CRLF3: variants seen among roughly 807,000 people sequenced by gnomAD.
CRLF3 encodes the protein cytokine receptor like factor 3, also known as cytokine receptor-like factor 3.
Under a neutral mutation model 55.0 loss-of-function variants are expected in CRLF3, and 33 were observed. That is an observed-to-expected ratio of 0.60 (90% CI 0.46 to 0.80). The LOEUF is 0.80. CRLF3 is among the 30% of genes least tolerant of loss of function. CRLF3 has a pLI of 0.00. For missense variants in CRLF3, 494 were observed against 538.4 expected, an observed-to-expected ratio of 0.92 and a Z score of 0.82; for synonymous variants, 238 against 196.8, an observed-to-expected ratio of 1.21 and a Z score of -1.75.
Position 30,824,568 on chromosome 17 carries a change from C to G in CRLF3, c.84G>C (p.Arg28=). The change falls in exon 1 of 8, where the codon CGG becomes CGC. Residue 28 remains arginine (R), a synonymous_variant. Coordinates refer to ENST00000324238, the MANE Select transcript of CRLF3 (RefSeq NM_015986.4). Reference sequence around the variant, plus strand: ...GCCCCTCAAGCCGGTGACCCAGCTCCCGCCGGTAGCTCTGCGCTGCCTCCA... The same window carrying G: ...GCCCCTCAAGCCGGTGACCCAGCTCGCGCCGGTAGCTCTGCGCTGCCTCCA... ...ENVEAAQSYR[R]ELGHRLEGLR... The G allele has an allele frequency of 6.2e-7, 1 of 1,603,374 alleles. No individual in the cohort carries two copies.
chr17:30,797,762 C>T (rs928486831), intron 2 of CRLF3, among the ~76,000 whole-genome samples: 5 of 146,760 alleles, frequency 3.4e-5, no homozygotes, highest in African/African-American at 1.3e-4. Flanking sequence ...AGAGGTGCAA[C>T]AGGGGATAGG....
At chr17:30,815,398 T>C (rs1904765400) in intron 1 of CRLF3, among the ~76,000 whole-genome samples, 1 of 151,518 alleles carries the variant, frequency 6.6e-6, no homozygotes, top group South Asian at 2.1e-4. Context: ...CTTTTTGTAT[T>C]TTTAGTAGAG....
chr17:30,807,742 T>G (rs1904462329), intron 1 of CRLF3, among the ~76,000 whole-genome samples: 1 of 152,050 alleles, frequency 6.6e-6, no homozygotes, highest in Admixed American at 6.6e-5. Context: ...CAAGCTGGTC[T>G]TGAACTCCTG....
intron 1 of CRLF3, among the ~76,000 whole-genome samples, chr17:30,810,528 C>T (rs1904579974): frequency 6.6e-6 from 1 of 152,060 alleles, no homozygotes; most frequent in Non-Finnish European, 1.5e-5. Context: ...TGCCATCGCA[C>T]TCCAGCCTGG....
chr17:30,785,094 T>A (rs1435679608), intron 7 of CRLF3: 4 of 147,566 alleles, frequency 2.7e-5, no homozygotes, highest in African/African-American at 1.0e-4. Context: ...AATTTTTTTT[T>A]TTTTTTTTTT....
intron 6 of CRLF3, among the ~76,000 whole-genome samples, chr17:30,789,117 C>T (rs1971722929): frequency 6.6e-6 from 1 of 151,876 alleles, no homozygotes; most frequent in African/African-American, 2.4e-5. Flanking sequence ...TTTCATTCCA[C>T]AAAGAAAAAA....
At chr17:30,808,654 G>A (rs747258983) in intron 1 of CRLF3, among the ~76,000 whole-genome samples, 38 of 150,834 alleles carry the variant, frequency 2.5e-4, no homozygotes, top group Non-Finnish European at 4.9e-4. Flanking sequence ...GTGCAGTGGC[G>A]CCAACTCGGC....
At chr17:30,808,275 ATATTTTTTTTTTT>A (rs1904484429) in intron 1 of CRLF3, among the ~76,000 whole-genome samples, 1 of 103,432 alleles carries the variant, frequency 9.7e-6, no homozygotes, top group Non-Finnish European at 1.9e-5. Flanking sequence ...CCTAGAACCT[ATATTTTTTTTTTT>A]TTTTTTTTTT....
At chr17:30,819,756 T>C (rs1320667118) in intron 1 of CRLF3, among the ~76,000 whole-genome samples, 1 of 152,182 alleles carries the variant, frequency 6.6e-6, no homozygotes, top group Non-Finnish European at 1.5e-5. Flanking sequence ...ATGAAAGATA[T>C]AATAGAAGTG....
In CRLF3 at chr17:30,784,357, C is replaced by T. The variant is rs139807989; in HGVS notation, c.1159G>A (p.Val387Met). The T allele has an allele frequency of 6.4e-5, 104 of 1,614,022 alleles. No homozygotes were observed. The highest frequency in any genetic ancestry group is 6.0e-4 in the African/African-American group (45 of 75,034). The change falls in exon 8 of 8, where the codon GTG becomes ATG. Residue 387 changes from valine to methionine, a missense_variant. Physicochemically the swap from Val to Met is conservative, Grantham distance 21. Coordinates refer to ENST00000324238, the MANE Select transcript of CRLF3 (RefSeq NM_015986.4). ...GSTVTFDIEA[V>M]TLGTTSNNEG... is the part of the protein sequence containing the mutation. ...TTATTACTGGTGGTTCCTAGAGTCA[C>T]GGCTTCAATGTCAAACGTGACAGTG...
intron 1 of CRLF3, among the ~76,000 whole-genome samples, chr17:30,823,997 C>T (rs1303751313): frequency 6.6e-6 from 1 of 152,030 alleles, no homozygotes; most frequent in East Asian, 1.9e-4. Context: ...AGGCATTAAC[C>T]GCATTTATTG....
At chr17:30,790,237 A>C (rs1374936083) in intron 6 of CRLF3, among the ~76,000 whole-genome samples, 2 of 152,168 alleles carry the variant, frequency 1.3e-5, no homozygotes, top group African/African-American at 4.8e-5. Flanking sequence ...AAGCATTCAC[A>C]ATAAAATCCC....
At chr17:30,815,952 G>A (rs1294021646) in intron 1 of CRLF3, among the ~76,000 whole-genome samples, 2 of 150,028 alleles carry the variant, frequency 1.3e-5, no homozygotes, top group Non-Finnish European at 3.0e-5. Context: ...TCTGTACATT[G>A]GTGTTGTTCA....
chr17:30,819,144 G>C (rs1904909813), intron 1 of CRLF3, among the ~76,000 whole-genome samples: 1 of 152,154 alleles, frequency 6.6e-6, no homozygotes, highest in African/African-American at 2.4e-5. Context: ...TTAGGTACCA[G>C]GATCTTACCA....
intron 7 of CRLF3, among the ~76,000 whole-genome samples, chr17:30,785,507 C>G (rs1017864835): frequency 6.6e-6 from 1 of 150,682 alleles, no homozygotes; most frequent in African/African-American, 2.4e-5. Flanking sequence ...CAGCCAGCCA[C>G]GGTGGCTCAC....
intron 1 of CRLF3, among the ~76,000 whole-genome samples, 160 bp downstream of exon 1, chr17:30,824,363 T>C (rs1363774658): frequency 1.1e-5 from 1 of 89,402 alleles, no homozygotes; most frequent in Non-Finnish European, 2.2e-5. Context: ...AACTCCCACC[T>C]TCCCCGTTCC....
Position 30,792,543 on chromosome 17 carries a change from G to T in CRLF3, c.856C>A (p.Leu286Met). 6.2e-7 allele frequency: 1 copy of T among 1,607,804 alleles called. No homozygotes were observed. The highest frequency in any genetic ancestry group is 1.1e-5 in the South Asian group (1 of 90,808). The stretch of plus-strand genomic sequence containing the variant: ...AGTGCTATATTTCTTCGACTGCTCA[G>T]ACTGTACCCCTCAAAACCAGCTGTC... ...EWTAGFEGYS[L>M]SSRRNIALRN... Residue 286 changes from leucine to methionine, a missense_variant, in exon 6 of 8, where the codon CTG becomes ATG. Transcript: ENST00000324238.
chr17:30,789,781 AT>A lies in CRLF3; in HGVS notation c.959+2658del, dbSNP rs572995756. Among the ~76,000 whole-genome samples the A allele has an allele frequency of 1.7e-3, 255 of 152,304 alleles. 1 individual carries two copies. Among genetic ancestry groups the A allele is most frequent in the African/African-American group, 5.8e-3 (240 of 41,578 alleles). On this transcript the variant is annotated intron_variant, in intron 6 of 7. Coordinates refer to ENST00000324238, the MANE Select transcript of CRLF3 (RefSeq NM_015986.4). ...TACTGTTTAAATATTAACTGCAATT[AT>A]TATTATTATCATCATTATTGCAGTC...
intron 1 of CRLF3, among the ~76,000 whole-genome samples, chr17:30,807,744 G>A (rs1489138211): frequency 2.0e-5 from 3 of 151,848 alleles, no homozygotes; most frequent in Non-Finnish European, 4.4e-5. Flanking sequence ...AGCTGGTCTT[G>A]AACTCCTGAT....
Sources: gnomAD v4.1 joint callset for allele counts (sites outside exome capture counted in the v4.1 genomes callset) on GRCh38, gnomAD v4.1.1 for gene constraint, MANE v1.5 for transcripts, NCBI Gene and HGNC (gene_info 2026-07-23, HGNC 2026-07-21) for gene names.